Variants in PGM3 observed in about 807,000 individuals in gnomAD.
PGM3 encodes the protein phosphoacetylglucosamine mutase.
Under a neutral mutation model 66.2 loss-of-function variants are expected in PGM3, and 40 were observed. The ratio of observed to expected loss-of-function variants is 0.60; its 90% CI spans 0.47 to 0.79. The LOEUF (loss-of-function observed/expected upper bound fraction) is 0.79, where lower values mean the gene tolerates loss of function less well. Ranked by LOEUF, PGM3 falls within the 30% of genes least tolerant of loss-of-function variation. PGM3 has a pLI of 0.00. For synonymous variants in PGM3, 191 were observed against 224.2 expected, an observed-to-expected ratio of 0.85 and a Z score of 1.32; for missense variants, 537 against 643.4, an observed-to-expected ratio of 0.83 and a Z score of 1.79.
rs1786282245 is a variant in PGM3 at position 83,168,088 on chromosome 6, A to G, written c.*1146T>C. The G allele has an allele frequency of 1.9e-6, 3 of 1,614,220 alleles. No individual in the cohort carries two copies. The highest frequency in any genetic ancestry group is 1.7e-5 in the Admixed American group (1 of 60,030). On this transcript the variant is annotated 3_prime_UTR_variant, in exon 13 of 13. Transcript: ENST00000513973. Reference sequence around the variant, plus strand: ...AAGGACATGAAACTGGAGAACCACAAACCATGTTCCAGCAAAGCCAGGCAA... The same window carrying G: ...AAGGACATGAAACTGGAGAACCACAGACCATGTTCCAGCAAAGCCAGGCAA...
chr6:83,152,218 AC>A, the PGM3 span: 1 of 826,788 alleles, frequency 1.2e-6, no homozygotes. Flanking sequence ...TAATACACAC[AC>A]ACACACACAC....
the PGM3 span, among the ~76,000 whole-genome samples, chr6:83,149,350 C>A: frequency 6.6e-6 from 1 of 152,180 alleles, no homozygotes. Context: ...CATAGTCAGT[C>A]TCTCTTTCTT....
intron 10 of PGM3, among the ~76,000 whole-genome samples, chr6:83,172,870 T>G (rs1173913593): frequency 6.6e-6 from 1 of 152,194 alleles, no homozygotes; most frequent in East Asian, 1.9e-4. Flanking sequence ...ATTGATAGCA[T>G]ATAAATTCAG....
chr6:83,154,659 C>T, the PGM3 span, among the ~76,000 whole-genome samples: 1 of 152,116 alleles, frequency 6.6e-6, no homozygotes, highest in Non-Finnish European at 1.5e-5. Flanking sequence ...AGACAAGTCA[C>T]TTTAAATCTC....
chr6:83,164,635 T>G (rs764798109), downstream of PGM3: 1 of 1,557,386 alleles, frequency 6.4e-7, no homozygotes, highest in Admixed American at 1.9e-5. Context: ...ACAAAGGCTG[T>G]GAGTTCTCCT....
At chr6:83,175,819 TATATA>T in intron 9 of PGM3, 138 bp downstream of exon 9, 1 of 575,602 alleles carries the variant, frequency 1.7e-6, no homozygotes, top group African/African-American at 1.9e-5. Flanking sequence ...AATACATCAA[TATATA>T]AGATAACCAA....
chr6:83,165,875 G>A lies in PGM3; in HGVS notation c.*3359C>T, dbSNP rs185465077. On this transcript the variant is annotated 3_prime_UTR_variant, in exon 13 of 13. Coordinates refer to ENST00000513973, the MANE Select transcript of PGM3 (RefSeq NM_015599.3). ...TTGGTGCATCTCATTGATTTGCTGAGCATACTTATCAGATGTAATGGTTTC... is the reference window on the plus strand; with the variant it reads ...TTGGTGCATCTCATTGATTTGCTGAACATACTTATCAGATGTAATGGTTTC... 8 of 380,764 alleles carry A rather than the reference G, an allele frequency of 2.1e-5. No individual in the cohort carries two copies. The East Asian group carries it at 4.7e-4, about 23-fold the overall frequency. 23.6% of individuals were successfully genotyped at this position (380,764 alleles called of 1,614,324 possible).
the PGM3 span, chr6:83,153,326 A>T: frequency 2.3e-6 from 1 of 426,400 alleles, no homozygotes; most frequent in Non-Finnish European, 4.1e-6. Flanking sequence ...TATATCCTAT[A>T]GTAACAATGT....
At chr6:83,156,190 A>G (rs1782746344), downstream of PGM3, 1 of 1,062,800 alleles carries the variant, frequency 9.4e-7, no homozygotes, top group Non-Finnish European at 1.3e-6. Context: ...AAGTTGGGGT[A>G]AAATATATCA....
downstream of PGM3, among the ~76,000 whole-genome samples, chr6:83,163,207 A>C (rs974882302): frequency 4.1e-4 from 62 of 152,214 alleles, no homozygotes; most frequent in African/African-American, 1.4e-3. Flanking sequence ...CCCTCAAAAA[A>C]GAAAATAAAA....
At chr6:83,187,391 G>A (rs1363596493) in intron 3 of PGM3, among the ~76,000 whole-genome samples, 1 of 152,150 alleles carries the variant, frequency 6.6e-6, no homozygotes, top group Non-Finnish European at 1.5e-5. Context: ...TCTAAGAACA[G>A]TAACAATAAA....
downstream of PGM3, among the ~76,000 whole-genome samples, chr6:83,160,890 C>T (rs1051470202): frequency 6.6e-6 from 1 of 151,982 alleles, no homozygotes; most frequent in African/African-American, 2.4e-5. Flanking sequence ...TACAAGCTTA[C>T]TTTTCATTAA....
intron 2 of PGM3, 137 bp downstream of exon 2, chr6:83,190,672 G>T: frequency 4.5e-6 from 3 of 671,016 alleles, no homozygotes; most frequent in Non-Finnish European, 5.2e-6. Flanking sequence ...AAAAAAAGTT[G>T]TTTCACATCC....
chr6:83,172,473 A>G (rs1201200423), intron 10 of PGM3, among the ~76,000 whole-genome samples: 1 of 152,178 alleles, frequency 6.6e-6, no homozygotes. Flanking sequence ...AGCCTGGCCA[A>G]CATGGTAAAA....
At chr6:83,162,927 A>G (rs1401307928), downstream of PGM3, 4 of 1,608,638 alleles carry the variant, frequency 2.5e-6, no homozygotes, top group African/African-American at 4.0e-5. Context: ...AAGGTATCGC[A>G]TTCTTTTGTG....
downstream of PGM3, chr6:83,157,382 G>A: frequency 6.6e-7 from 1 of 1,519,400 alleles, no homozygotes; most frequent in Non-Finnish European, 9.1e-7. Flanking sequence ...TAGTTTCCAT[G>A]TGCTTACTAG....
At chr6:83,187,931 A>G (rs1373047708) in intron 3 of PGM3, among the ~76,000 whole-genome samples, 5 of 152,252 alleles carry the variant, frequency 3.3e-5, no homozygotes, top group African/African-American at 7.2e-5. Flanking sequence ...ACTTCAGAAC[A>G]TAAGTTACTC....
At chr6:83,152,141 C>A in the PGM3 span, 2 of 1,248,520 alleles carry the variant, frequency 1.6e-6, no homozygotes, top group East Asian at 2.5e-5. Context: ...TCATGTCTAA[C>A]AAGTAACTTT....
At chr6:83,191,472 A>G (rs572308468) in intron 1 of PGM3, 2 of 544,358 alleles carry the variant, frequency 3.7e-6, no homozygotes, top group South Asian at 5.1e-5. Context: ...CTGAAACTAC[A>G]TATCCCCAAA....
Sources: gnomAD v4.1 joint callset for allele counts (sites outside exome capture counted in the v4.1 genomes callset) on GRCh38, gnomAD v4.1.1 for gene constraint, MANE v1.5 for transcripts, NCBI Gene and HGNC (gene_info 2026-07-23, HGNC 2026-07-21) for gene names.